The following CELSR1 variants were observed in gnomAD, a reference collection of about 807,000 sequenced individuals.
CELSR1 encodes cadherin EGF LAG seven-pass G-type receptor 1.
In CELSR1, 110 loss-of-function variants were observed where a neutral mutation model predicts 249.1. The ratio of observed to expected loss-of-function variants is 0.44; its 90% CI spans 0.38 to 0.52. The LOEUF (loss-of-function observed/expected upper bound fraction) is 0.52. CELSR1 is among the 20% of genes least tolerant of loss of function. The probability of loss-of-function intolerance (pLI) is 0.00; values close to 1 mark genes in which losing one functional copy is unlikely to be tolerated. For synonymous variants in CELSR1, 2,113 were observed against 1,900.0 expected, an observed-to-expected ratio of 1.11 and a Z score of -2.92; for missense variants, 4,109 against 4,296.4, an observed-to-expected ratio of 0.96 and a Z score of 1.22.
intron 1 of CELSR1, among the ~76,000 whole-genome samples, chr22:46,486,006 C>T (rs56060950): frequency 0.3 from 43,977 of 144,824 alleles, 8,163 homozygotes; most frequent in East Asian, 0.57. Context: ...GGCGTGACCT[C>T]GGCTCACTGC....
rs1390189562 is a variant in CELSR1, at chr22:46,365,227, T to A, written c.8554+4A>T. 2 of 1,610,814 alleles carry A rather than the reference T, an allele frequency of 1.2e-6. No homozygotes were observed. The highest frequency in any genetic ancestry group is 1.7e-6 in the Non-Finnish European group (2 of 1,179,676). ...GCCTGGCCCAATGTGCCCCACACAC[T>A]CACCTTTGGGGGTGCTGTGGACGGC... On this transcript the variant is annotated splice_donor_region_variant and intron_variant, in intron 32 of 34. Coordinates refer to ENST00000674500, the MANE Select transcript of CELSR1 (RefSeq NM_001378328.1).
rs761544095 is a variant in CELSR1, at chr22:46,433,964, T to A, written c.4523-483A>T. ...TCCCAAACTGCTGGGATAACGGGCG[T>A]GAGCCACCGCGCCTGGCCTTGTTCC... On this transcript the variant is annotated intron_variant, in intron 4 of 34. Transcript: ENST00000674500. This position sits in a 1 kb window ranked among gnomAD's most constrained non-coding sequence, Gnocchi z 5.7. Among the ~76,000 whole-genome samples the A allele has an allele frequency of 6.6e-5, 10 of 152,222 alleles. No homozygotes were observed. Among genetic ancestry groups the A allele is most frequent in the African/African-American group, 2.2e-4 (9 of 41,462 alleles).
chr22:46,379,083 G>A (rs1003180920), intron 22 of CELSR1, among the ~76,000 whole-genome samples: 6 of 152,184 alleles, frequency 3.9e-5, no homozygotes, highest in Non-Finnish European at 8.8e-5. Flanking sequence ...GCTGTCTCGC[G>A]TCCGCCCCGC....
chr22:46,409,313 T>A lies in CELSR1; in HGVS notation c.5060-151A>T. ...GTCTGAGCCTCCCCTCTGTGACGCATCCAGCCCTCACAGTCAGCCACGTGG... is the reference window on the plus strand; with the variant it reads ...GTCTGAGCCTCCCCTCTGTGACGCAACCAGCCCTCACAGTCAGCCACGTGG... On this transcript the variant is annotated intron_variant, in intron 8 of 34. Coordinates refer to ENST00000674500, the MANE Select transcript of CELSR1 (RefSeq NM_001378328.1). This position sits in a 1 kb window ranked among gnomAD's most constrained non-coding sequence, Gnocchi z 9.8. 2.7e-6 allele frequency: 2 copies of A among 749,108 alleles called. No individual in the cohort carries two copies. The highest frequency in any genetic ancestry group is 4.2e-6 in the Non-Finnish European group (2 of 480,342). 46.4% of individuals were successfully genotyped at this position (749,108 alleles called of 1,614,324 possible).
In CELSR1 at chr22:46,411,548, G is replaced by T. The variant is rs1465972696; in HGVS notation, c.4769+54C>A. The T allele has an allele frequency of 1.9e-6, 3 of 1,605,946 alleles. No individual in the cohort carries two copies. Among genetic ancestry groups the T allele is most frequent in the African/African-American group, 2.7e-5 (2 of 74,816 alleles). On this transcript the variant is annotated intron_variant, in intron 6 of 34. Transcript: ENST00000674500. This position sits in a 1 kb window ranked among gnomAD's most constrained non-coding sequence, Gnocchi z 4.2. ...GGCCCTGCCCTGGGAAGGCCGCAGG[G>T]TGAGCATGTTTGGGGGTACGGACCC...
intron 1 of CELSR1, among the ~76,000 whole-genome samples, chr22:46,478,551 T>A (rs564685805): frequency 6.6e-6 from 1 of 151,842 alleles, no homozygotes; most frequent in South Asian, 2.1e-4. Context: ...GAGAATTTTT[T>A]TTTTTTTTTG....
intron 22 of CELSR1, among the ~76,000 whole-genome samples, chr22:46,379,132 C>T (rs74688119): frequency 0.053 from 8,091 of 152,252 alleles, 722 homozygotes; most frequent in African/African-American, 0.18. Flanking sequence ...AGCTGCGATG[C>T]GGTCCCGTCT....
At chr22:46,460,394 G>A (rs889585364) in intron 2 of CELSR1, among the ~76,000 whole-genome samples, 1 of 152,214 alleles carries the variant, frequency 6.6e-6, no homozygotes, top group African/African-American at 2.4e-5. Context: ...CAGAGCAGGT[G>A]TACAGCTGCG....
chr22:46,510,917 C>T (rs955172934), intron 1 of CELSR1, among the ~76,000 whole-genome samples: 4 of 152,108 alleles, frequency 2.6e-5, no homozygotes, highest in African/African-American at 7.2e-5. Flanking sequence ...GAGTTCGAGA[C>T]CAGCCTGGCC....
At chr22:46,425,740 A>G (rs532841139) in intron 5 of CELSR1, among the ~76,000 whole-genome samples, 12 of 151,622 alleles carry the variant, frequency 7.9e-5, no homozygotes, top group South Asian at 6.3e-4. Flanking sequence ...TGTTTCATTG[A>G]TTTTCTCTAT....
rs2078897922 is a variant in CELSR1 at position 46,374,652 on chromosome 22, TG to T, written c.7585-1596del. Among the ~76,000 whole-genome samples the T allele has an allele frequency of 6.6e-6, 1 of 152,142 alleles. No individual in the cohort carries two copies. Among genetic ancestry groups the T allele is most frequent in the African/African-American group, 2.4e-5 (1 of 41,436 alleles). On this transcript the variant is annotated intron_variant, in intron 24 of 34. Coordinates refer to ENST00000674500, the MANE Select transcript of CELSR1 (RefSeq NM_001378328.1). This position sits in a 1 kb window ranked among gnomAD's most constrained non-coding sequence, Gnocchi z 4.3. ...AACCCAGGGGCCGCCTCAGTTTCGC[TG>T]GGGTGTTGAGTTGCAGGGAGTGGCC...
intron 9 of CELSR1, among the ~76,000 whole-genome samples, chr22:46,400,969 AG>A (rs1447774153): frequency 6.6e-6 from 1 of 151,014 alleles, no homozygotes; most frequent in Non-Finnish European, 1.5e-5. Flanking sequence ...AAAAAAGTAT[AG>A]GCAAAGTTGT....
intron 1 of CELSR1, among the ~76,000 whole-genome samples, chr22:46,529,875 C>T (rs2080775049): frequency 6.6e-6 from 1 of 151,638 alleles, no homozygotes; most frequent in Admixed American, 6.6e-5. Context: ...TTTAATTGTA[C>T]ATTCAAAAAT....
intron 2 of CELSR1, among the ~76,000 whole-genome samples, chr22:46,443,643 A>G (rs2079781548): frequency 6.7e-6 from 1 of 149,376 alleles, no homozygotes; most frequent in Non-Finnish European, 1.5e-5. Context: ...CCGTCTACAC[A>G]TGTCCATACA....
chr22:46,537,009 G>A lies in CELSR1; in HGVS notation c.162C>T (p.Ala54=). The A allele has an allele frequency of 9.0e-7, 1 of 1,108,912 alleles. No homozygotes were observed. Among genetic ancestry groups the A allele is most frequent in the Non-Finnish European group, 1.1e-6 (1 of 910,740 alleles). The allele number at this position is 1,108,912 out of a possible 1,614,324, so 68.7% of individuals were successfully genotyped here. ...LRPGCTYAVG[A]ACTPRAPREL... ...CCCGCGGCGCCCGGGGCGTGCAAGCGGCGCCCACCGCGTAGGTACAGCCGG... is the reference window on the plus strand; with the variant it reads ...CCCGCGGCGCCCGGGGCGTGCAAGCAGCGCCCACCGCGTAGGTACAGCCGG... The change falls in exon 1 of 35, where the codon GCC becomes GCT. Residue 54 remains alanine, a synonymous_variant. Coordinates refer to ENST00000674500, the MANE Select transcript of CELSR1 (RefSeq NM_001378328.1). The surrounding 1 kb of genome is among the most constrained non-coding windows in gnomAD (Gnocchi z 5.8).
In CELSR1 at chr22:46,382,031, C is replaced by T. The variant is rs137999772; in HGVS notation, c.6903G>A (p.Pro2301=). Residue 2301 remains proline, a synonymous_variant, in exon 21 of 35, where the codon CCG becomes CCA. Transcript: ENST00000674500. The part of the protein sequence containing the change: ...PEEKEGPLLR[P]AGRRTTPQTT... ...TCTGCGGGGTGGTCCTCCGGCCAGCCGGCCTCAGCAGGGGGCCTTCTGCAA... is the reference window on the plus strand; with the variant it reads ...TCTGCGGGGTGGTCCTCCGGCCAGCTGGCCTCAGCAGGGGGCCTTCTGCAA... The T allele has an allele frequency of 3.3e-4, 508 of 1,546,408 alleles. 2 individuals carry two copies. In the African/African-American group the frequency reaches 5.7e-3, roughly 17 times the overall value.
intron 23 of CELSR1, chr22:46,377,499 C>T (rs28501430): frequency 0.067 from 37,037 of 556,648 alleles, 1,530 homozygotes; most frequent in Non-Finnish European, 0.088. Context: ...GCCAGGCTCC[C>T]TCCACTGGCT....
At position 46,535,485 on chromosome 22, in the gene CELSR1, CTCGTTG is replaced by C; in HGVS notation, c.1680_1685del (p.Asp560_Asn561del). 6.2e-7 allele frequency: 1 copy of C among 1,612,004 alleles called. No individual in the cohort carries two copies. Among genetic ancestry groups the C allele is most frequent in the Non-Finnish European group, 8.5e-7 (1 of 1,179,438 alleles). ...GGAAGGGGCTGCTCACAAAGATAGGCTCGTTGTCGTTGACATCCAGCACCTGCACAG... is the reference window on the plus strand; with the variant it reads ...GGAAGGGGCTGCTCACAAAGATAGGCTCGTTGACATCCAGCACCTGCACAG... On this transcript the variant is annotated inframe_deletion, in exon 1 of 35. Transcript: ENST00000674500.
At chr22:46,481,313 C>T (rs1395805748) in intron 1 of CELSR1, 2 of 620,800 alleles carry the variant, frequency 3.2e-6, no homozygotes, top group South Asian at 2.2e-5. Flanking sequence ...CCGATGGCCA[C>T]TGGCAAAGAC....
Sources: allele counts gnomAD v4.1 joint callset (sites outside exome capture counted in the v4.1 genomes callset), GRCh38; gene constraint gnomAD v4.1.1; non-coding constraint Gnocchi (gnomAD v3.1); transcripts MANE v1.5; gene names NCBI Gene and HGNC (gene_info 2026-07-23, HGNC 2026-07-21).